The following RBMS3 variants were observed in gnomAD, a reference collection of about 807,000 sequenced individuals.
RBMS3 encodes the protein RNA binding motif single stranded interacting protein 3.
RBMS3 carries 27 observed loss-of-function variants against 66.8 expected under a neutral mutation model. The ratio of observed to expected loss-of-function variants is 0.40; its 90% CI spans 0.30 to 0.56. The LOEUF (loss-of-function observed/expected upper bound fraction) is 0.56, where lower values mean the gene tolerates loss of function less well. Ranked by LOEUF, RBMS3 falls within the 20% of genes least tolerant of loss-of-function variation. The pLI is 0.40. For synonymous variants in RBMS3, 188 were observed against 183.0 expected (o/e 1.03, Z -0.22); for missense variants, 513 against 549.5 (o/e 0.93, Z 0.66).
intron 6 of RBMS3, among the ~76,000 whole-genome samples, chr3:29,815,127 C>G (rs2057847498): frequency 6.6e-6 from 1 of 152,172 alleles, no homozygotes; most frequent in African/African-American, 2.4e-5. Context: ...CTGAAGGGAC[C>G]TGGTGTCTCA....
chr3:29,905,769 A>G (rs553714639), intron 10 of RBMS3, among the ~76,000 whole-genome samples: 1 of 152,214 alleles, frequency 6.6e-6, no homozygotes, highest in Admixed American at 6.6e-5. Flanking sequence ...ATAAATAAAT[A>G]AGTCTTATAA....
At chr3:29,978,192 T>C (rs1288630801) in intron 12 of RBMS3, among the ~76,000 whole-genome samples, 2 of 152,184 alleles carry the variant, frequency 1.3e-5, no homozygotes, top group Non-Finnish European at 2.9e-5. Context: ...ACCAATTACC[T>C]AAAGCTGGGA....
intron 12 of RBMS3, among the ~76,000 whole-genome samples, chr3:29,952,111 A>T (rs1251464110): frequency 6.6e-6 from 1 of 151,852 alleles, no homozygotes; most frequent in Non-Finnish European, 1.5e-5. Context: ...GAAAATAAAG[A>T]TGATGATAAT....
chr3:29,685,486 C>A (rs1053114277), intron 4 of RBMS3, among the ~76,000 whole-genome samples: 1 of 151,874 alleles, frequency 6.6e-6, no homozygotes, highest in African/African-American at 2.4e-5. Flanking sequence ...TTTTTTGTCC[C>A]ATGGGAGTCC....
chr3:29,415,694 G>C (rs2125692587), intron 1 of RBMS3, among the ~76,000 whole-genome samples: 1 of 152,284 alleles, frequency 6.6e-6, no homozygotes, highest in East Asian at 1.9e-4. Flanking sequence ...AGAACGGATG[G>C]AAAAGGCAGA....
chr3:29,894,818 G>A (rs972353418), intron 8 of RBMS3, among the ~76,000 whole-genome samples: 4 of 151,552 alleles, frequency 2.6e-5, no homozygotes, highest in Non-Finnish European at 5.9e-5. Flanking sequence ...AATCCTCTCT[G>A]AAAAAGGGAC....
At chr3:29,894,293 A>G (rs902479727) in intron 8 of RBMS3, among the ~76,000 whole-genome samples, 20 of 151,498 alleles carry the variant, frequency 1.3e-4, no homozygotes, top group African/African-American at 4.8e-4. Flanking sequence ...TTCATGGCTC[A>G]CTGTAGCCTC....
At chr3:29,816,282 GCA>G (rs1333742589) in intron 6 of RBMS3, among the ~76,000 whole-genome samples, 2 of 148,682 alleles carry the variant, frequency 1.3e-5, no homozygotes, top group African/African-American at 5.0e-5. Context: ...CCCTGTGCGC[GCA>G]CACACAGACA....
chr3:29,399,586 A>T (rs1421982324), intron 1 of RBMS3, among the ~76,000 whole-genome samples: 1 of 152,238 alleles, frequency 6.6e-6, no homozygotes, highest in African/African-American at 2.4e-5. Context: ...CCGAACTTCC[A>T]GCATCATGGC....
intron 2 of RBMS3, among the ~76,000 whole-genome samples, chr3:29,437,039 G>C (rs931964289): frequency 6.6e-6 from 1 of 152,162 alleles, no homozygotes; most frequent in African/African-American, 2.4e-5. Flanking sequence ...AAAAGACTGG[G>C]TTGGTTTTTA....
At chr3:29,805,918 A>T (rs748261665) in intron 6 of RBMS3, among the ~76,000 whole-genome samples, 1 of 152,006 alleles carries the variant, frequency 6.6e-6, no homozygotes, top group Non-Finnish European at 1.5e-5. Context: ...CCACGCACTC[A>T]CTGACTAACC....
chr3:29,843,739 G>A (rs936799266), intron 6 of RBMS3, among the ~76,000 whole-genome samples: 1 of 151,986 alleles, frequency 6.6e-6, no homozygotes, highest in Non-Finnish European at 1.5e-5. Flanking sequence ...TAGATAGCTT[G>A]AGCCCAGGGG....
At chr3:29,809,119 TAAAAC>T (rs1269073718) in intron 6 of RBMS3, among the ~76,000 whole-genome samples, 1 of 151,784 alleles carries the variant, frequency 6.6e-6, no homozygotes, top group Non-Finnish European at 1.5e-5. Context: ...GAAAACAAAA[TAAAAC>T]TTAAATCACA....
At chr3:29,870,878 G>A (rs1421383405) in intron 7 of RBMS3, among the ~76,000 whole-genome samples, 1 of 152,102 alleles carries the variant, frequency 6.6e-6, no homozygotes, top group Non-Finnish European at 1.5e-5. Context: ...AGATTAGGCA[G>A]AGAGATAGCA....
At chr3:29,546,291 T>C (rs918501837) in intron 3 of RBMS3, among the ~76,000 whole-genome samples, 2 of 152,236 alleles carry the variant, frequency 1.3e-5, no homozygotes, top group Non-Finnish European at 2.9e-5. Flanking sequence ...GAATGAGGCA[T>C]AGAGAGGTAA....
chr3:29,809,618 G>A lies in RBMS3; in HGVS notation c.637+46629G>A, dbSNP rs531477634. 6.7e-3 allele frequency among the ~76,000 whole-genome samples: 1,018 copies of A among 151,860 alleles called. 11 individuals carry two copies. Among genetic ancestry groups the A allele is most frequent in the African/African-American group, 0.022 (920 of 41,468 alleles). On this transcript the variant is annotated intron_variant, in intron 6 of 14. Transcript: ENST00000383767. ...TTGTTTTTTGTTTGCCTTAATAGAA[G>A]GCAAACAGTTTATTTCAGAGCTTAC...
intron 4 of RBMS3, among the ~76,000 whole-genome samples, chr3:29,730,046 G>A (rs975976727): frequency 4.0e-5 from 6 of 151,516 alleles, no homozygotes; most frequent in African/African-American, 1.5e-4. Flanking sequence ...TAAAGGTAAT[G>A]ATATATATCT....
intron 6 of RBMS3, among the ~76,000 whole-genome samples, chr3:29,866,528 T>C (rs2059367370): frequency 6.6e-6 from 1 of 152,194 alleles, no homozygotes; most frequent in African/African-American, 2.4e-5. Flanking sequence ...AGCATGACCA[T>C]CCCATTTTAA....
chr3:29,949,379 A>G (rs1246438905), intron 12 of RBMS3, among the ~76,000 whole-genome samples: 1 of 151,814 alleles, frequency 6.6e-6, no homozygotes, highest in African/African-American at 2.4e-5. Context: ...AGCAGACACA[A>G]GCCACGTGCA....
Sources: gnomAD v4.1 joint callset for allele counts (sites outside exome capture counted in the v4.1 genomes callset) on GRCh38, gnomAD v4.1.1 for gene constraint, MANE v1.5 for transcripts, NCBI Gene and HGNC (gene_info 2026-07-23, HGNC 2026-07-21) for gene names.